IL4R: variants seen among roughly 807,000 people sequenced by gnomAD.
The protein encoded by IL4R is interleukin-4 receptor subunit alpha.
Under a neutral mutation model 41.5 loss-of-function variants are expected in IL4R, and 17 were observed. The ratio of observed to expected loss-of-function variants is 0.41; its 90% CI spans 0.28 to 0.61. The LOEUF (loss-of-function observed/expected upper bound fraction) is 0.61, where lower values mean the gene tolerates loss of function less well. Among genes scored for constraint, IL4R ranks in the 20% least tolerant of loss-of-function variants. The probability of loss-of-function intolerance (pLI) is 0.31; values close to 1 mark genes in which losing one functional copy is unlikely to be tolerated. For missense variants in IL4R, 974 were observed against 1,043.1 expected, an observed-to-expected ratio of 0.93 and a Z score of 0.91; for synonymous variants, 402 against 422.9, an observed-to-expected ratio of 0.95 and a Z score of 0.61.
chr16:27,360,250 G>A (rs3024666), intron 9 of IL4R, among the ~76,000 whole-genome samples: 111,196 of 151,978 alleles, frequency 0.73, 43,908 homozygotes, highest in East Asian at 0.91. Flanking sequence ...CTAATATCAG[G>A]TGATCCACCC....
chr16:27,351,412 G>A lies in IL4R; in HGVS notation c.514-1128G>A, dbSNP rs147983392. Among the ~76,000 whole-genome samples, 71 of 151,994 alleles carry A rather than the reference G, an allele frequency of 4.7e-4. 1 individual carries two copies. In the South Asian group the frequency reaches 5.8e-3, roughly 13 times the overall value. Reference sequence around the variant, plus strand: ...CAAGTAGCAGGTCCTGCCCACACTCGAGAAGACCAGATGACACAAAGATGT... The same window carrying A: ...CAAGTAGCAGGTCCTGCCCACACTCAAGAAGACCAGATGACACAAAGATGT... On this transcript the variant is annotated intron_variant, in intron 6 of 10. Coordinates refer to ENST00000395762, the MANE Select transcript of IL4R (RefSeq NM_000418.4).
In IL4R at chr16:27,363,446, G is replaced by A. The variant is rs751368847; in HGVS notation, c.2094G>A (p.Gln698=). The A allele has an allele frequency of 3.7e-6, 6 of 1,614,130 alleles. No individual in the cohort carries two copies. The highest frequency in any genetic ancestry group is 4.2e-6 in the Non-Finnish European group (5 of 1,180,008). ...DMPKPPLPQE[Q]ATDPLVDSLG... ...CAAAGCCCCCACTTCCCCAGGAGCAGGCCACAGACCCCCTTGTGGACAGCC... is the reference window on the plus strand; with the variant it reads ...CAAAGCCCCCACTTCCCCAGGAGCAAGCCACAGACCCCCTTGTGGACAGCC... The change falls in exon 11 of 11, where the codon CAG becomes CAA. Residue 698 remains glutamine (Q), a synonymous_variant. Transcript: ENST00000395762.
chr16:27,343,110 G>T (rs1176820707), intron 4 of IL4R, among the ~76,000 whole-genome samples: 1 of 152,228 alleles, frequency 6.6e-6, no homozygotes, highest in Non-Finnish European at 1.5e-5. Context: ...ACTCCATGGT[G>T]CACAGGATGC....
In IL4R at chr16:27,330,633, C is replaced by T. The variant is rs571889190; in HGVS notation, c.-19+435C>T. Among the ~76,000 whole-genome samples, 14 of 152,178 alleles carry T rather than the reference C, an allele frequency of 9.2e-5. No individual in the cohort carries two copies. The South Asian group carries it at 2.9e-3, about 32-fold the overall frequency. ...TCACGGCATAGGTTTGTGTATGCAG[C>T]CAGGATCCAGCACAGTTCTATCATC... is the stretch of plus-strand genomic sequence containing the variant. On this transcript the variant is annotated intron_variant, in intron 2 of 10. Transcript: ENST00000395762.
intron 1 of IL4R, 180 bp downstream of exon 1, chr16:27,314,200 C>G: frequency 1.3e-6 from 1 of 798,168 alleles, no homozygotes; most frequent in South Asian, 5.6e-5. Flanking sequence ...CCGTCCTTGC[C>G]GCCGAACGGC....
intron 1 of IL4R, among the ~76,000 whole-genome samples, chr16:27,319,950 A>G (rs1047368906): frequency 2.6e-5 from 4 of 151,876 alleles, no homozygotes; most frequent in Non-Finnish European, 4.4e-5. Context: ...GCTCACTGCA[A>G]TCTCCACCTC....
At chr16:27,329,360 A>C (rs2085049841) in intron 1 of IL4R, among the ~76,000 whole-genome samples, 1 of 152,046 alleles carries the variant, frequency 6.6e-6, no homozygotes, top group African/African-American at 2.4e-5. Context: ...AACACACTTG[A>C]GTTCTGTCTT....
In IL4R at chr16:27,345,112, A is replaced by G. The variant is rs375589999; in HGVS notation, c.361+92A>G. 3.9e-4 allele frequency: 491 copies of G among 1,252,658 alleles called. 7 individuals are homozygous for G. In the South Asian group the frequency reaches 5.9e-3, roughly 15 times the overall value. The allele number at this position is 1,252,658 out of a possible 1,614,324, so 77.6% of individuals were successfully genotyped here. ...GGTGGGCAGGGGAGGAGGTGGGGTC[A>G]TAGCAACAGCAGGAGGAAGCCGCCT... On this transcript the variant is annotated intron_variant, in intron 5 of 10. Coordinates refer to ENST00000395762, the MANE Select transcript of IL4R (RefSeq NM_000418.4). This position sits in a 1 kb window ranked among gnomAD's most constrained non-coding sequence, Gnocchi z 4.5.
At chr16:27,332,538 T>A (rs2085140706) in intron 2 of IL4R, among the ~76,000 whole-genome samples, 1 of 152,108 alleles carries the variant, frequency 6.6e-6, no homozygotes, top group Admixed American at 6.6e-5. Context: ...CATATCACAT[T>A]ATTATTAATT....
chr16:27,326,824 A>G (rs1009183078), intron 1 of IL4R, among the ~76,000 whole-genome samples: 3 of 152,002 alleles, frequency 2.0e-5, no homozygotes, highest in African/African-American at 7.2e-5. Context: ...CCTCCCTCCC[A>G]CTGGCTGGGC....
chr16:27,354,410 C>T (rs1195000926), intron 7 of IL4R, among the ~76,000 whole-genome samples: 1 of 152,184 alleles, frequency 6.6e-6, no homozygotes, highest in Non-Finnish European at 1.5e-5. Flanking sequence ...AGAGAGTGTA[C>T]CTTGTGCATC....
chr16:27,336,661 G>C (rs1346938275), intron 2 of IL4R, among the ~76,000 whole-genome samples: 1 of 128,376 alleles, frequency 7.8e-6, no homozygotes, highest in African/African-American at 3.1e-5. Flanking sequence ...TTGGGTAACA[G>C]AGTAAACTCT....
chr16:27,338,172 G>T (rs9929928), intron 2 of IL4R, among the ~76,000 whole-genome samples: 23,404 of 151,250 alleles, frequency 0.15, 2,148 homozygotes, highest in African/African-American at 0.23. Flanking sequence ...GGCCAGGCTG[G>T]TCTCAAACTC....
At chr16:27,337,258 G>C (rs1296065998) in intron 2 of IL4R, among the ~76,000 whole-genome samples, 1 of 152,094 alleles carries the variant, frequency 6.6e-6, no homozygotes, top group Non-Finnish European at 1.5e-5. Flanking sequence ...GGGGCCTAGA[G>C]CTCCTGAGGT....
intron 1 of IL4R, among the ~76,000 whole-genome samples, chr16:27,317,604 C>T (rs76320907): frequency 0.015 from 2,221 of 152,204 alleles, 22 homozygotes; most frequent in Non-Finnish European, 0.024. Context: ...ACTGTCAGAC[C>T]GGGTGCATCA....
At chr16:27,330,468 T>C (rs1179802916) in intron 2 of IL4R, among the ~76,000 whole-genome samples, 2 of 151,980 alleles carry the variant, frequency 1.3e-5, no homozygotes, top group South Asian at 2.1e-4. Flanking sequence ...GAGGGCAAGA[T>C]TGTAGAAATC....
At chr16:27,342,407 C>A in intron 4 of IL4R, 148 bp downstream of exon 4, 1 of 925,154 alleles carries the variant, frequency 1.1e-6, no homozygotes, top group Non-Finnish European at 1.7e-6. Flanking sequence ...GAGGTCCCAT[C>A]TCCAGGGACA....
chr16:27,344,483 G>A (rs747343690), intron 4 of IL4R, among the ~76,000 whole-genome samples: 2 of 152,070 alleles, frequency 1.3e-5, no homozygotes, highest in Non-Finnish European at 2.9e-5. Flanking sequence ...TGGGTTGGCT[G>A]TTAAGGTGGA....
chr16:27,337,091 GAAATA>G (rs998678008), intron 2 of IL4R, among the ~76,000 whole-genome samples: 3 of 151,462 alleles, frequency 2.0e-5, no homozygotes, highest in Non-Finnish European at 2.9e-5. Context: ...AAAATAAAAT[GAAATA>G]AAATAAAATA....
Sources: gnomAD v4.1 joint callset for allele counts (sites outside exome capture counted in the v4.1 genomes callset) on GRCh38, gnomAD v4.1.1 for gene constraint, Gnocchi (gnomAD v3.1) non-coding constraint, MANE v1.5 for transcripts, NCBI Gene and HGNC (gene_info 2026-07-23, HGNC 2026-07-21) for gene names.